The following RIOX2 variants were observed in gnomAD, a reference collection of about 807,000 sequenced individuals.
RIOX2 encodes 60S ribosomal protein L27a histidine hydroxylase.
RIOX2 carries 43 observed loss-of-function variants against 51.2 expected under a neutral mutation model. The ratio of observed to expected loss-of-function variants is 0.84; its 90% CI spans 0.66 to 1.08. The LOEUF (loss-of-function observed/expected upper bound fraction) is 1.08, where lower values mean the gene tolerates loss of function less well. RIOX2 is among the 50% of genes least tolerant of loss of function. RIOX2 has a pLI of 0.00. For synonymous variants in RIOX2, 226 were observed against 218.5 expected (o/e 1.03, Z -0.30); for missense variants, 566 against 561.7 (o/e 1.01, Z -0.08).
intron 2 of RIOX2, among the ~76,000 whole-genome samples, chr3:97,962,598 G>C (rs560957500): frequency 6.6e-6 from 1 of 152,230 alleles, no homozygotes; most frequent in East Asian, 1.9e-4. Context: ...CCTAGCGATG[G>C]GCCATATATT....
chr3:97,969,737 T>G (rs1576022441), intron 1 of RIOX2, among the ~76,000 whole-genome samples: 1 of 152,230 alleles, frequency 6.6e-6, no homozygotes. Flanking sequence ...TTGACACAAC[T>G]AGTTGCTGGA....
intron 3 of RIOX2, among the ~76,000 whole-genome samples, chr3:97,959,715 T>C (rs1413223101): frequency 6.6e-6 from 1 of 152,064 alleles, no homozygotes; most frequent in Non-Finnish European, 1.5e-5. Flanking sequence ...TTGAAAAACA[T>C]GAAAAATATC....
chr3:97,955,422 AG>A (rs1287516267), intron 4 of RIOX2, among the ~76,000 whole-genome samples: 1 of 152,080 alleles, frequency 6.6e-6, no homozygotes, highest in Admixed American at 6.5e-5. Context: ...GGGAATCTTG[AG>A]GGCAGCTCAT....
intron 7 of RIOX2, among the ~76,000 whole-genome samples, chr3:97,948,643 A>C (rs1002263831): frequency 3.3e-5 from 5 of 152,146 alleles, no homozygotes; most frequent in Admixed American, 2.6e-4. Context: ...CCTCCTGCCT[A>C]CCAGATAACA....
chr3:97,945,822 CAT>C lies in RIOX2; in HGVS notation c.1213_1214del (p.Met405AspfsTer4), dbSNP rs751523791. On this transcript the variant is annotated frameshift_variant, in exon 9 of 10. Transcript: ENST00000394198. LOFTEE classifies it high-confidence loss of function. Reference sequence around the variant, plus strand: ...CCTCTGTTTCCTCCTCATTTCCCATCATGTGTGTCTCTCTACTATTCTTTAAG... The same window carrying C: ...CCTCTGTTTCCTCCTCATTTCCCATCGTGTGTCTCTCTACTATTCTTTAAG... ...HSLKNSRETH[M>X]MGNEEETEFH... The C allele has an allele frequency of 1.9e-6, 3 of 1,610,668 alleles. No individual in the cohort carries two copies. The highest frequency in any genetic ancestry group is 1.3e-5 in the African/African-American group (1 of 74,798).
intron 1 of RIOX2, chr3:97,971,710 G>C (rs1244596462): frequency 6.6e-6 from 1 of 152,192 alleles, no homozygotes; most frequent in Non-Finnish European, 1.5e-5. Context: ...CCAGTGACAT[G>C]AAACCCGAGG....
Position 97,947,405 on chromosome 3 carries a change from T to C in RIOX2, c.1105A>G (p.Lys369Glu). ...RLDSVVRLQF[K>E]DHIVLTVLPD... ...AGTACTGTGAGGACAATGTGGTCTT[T>C]AAACTGCAGTCTCACTACACTGTCC... Residue 369 changes from lysine to glutamate, a missense_variant, in exon 8 of 10, where the codon AAA (lysine) becomes GAA (glutamate). Physicochemically the swap from Lys to Glu is moderately conservative, Grantham distance 56. Transcript: ENST00000394198. 6.2e-7 allele frequency: 1 copy of C among 1,613,566 alleles called. No individual in the cohort carries two copies. Among genetic ancestry groups the C allele is most frequent in the African/African-American group, 1.3e-5 (1 of 74,994 alleles).
chr3:97,965,877 A>T (rs772897522), intron 2 of RIOX2, among the ~76,000 whole-genome samples: 15 of 152,264 alleles, frequency 9.9e-5, no homozygotes, highest in Non-Finnish European at 1.8e-4. Flanking sequence ...ACTTCTAGTC[A>T]AGGACTAGCT....
chr3:97,967,658 G>A, intron 1 of RIOX2, 26 bp from the exon 2 acceptor site: 2 of 1,467,916 alleles, frequency 1.4e-6, no homozygotes, highest in Non-Finnish European at 1.8e-6. Context: ...AACACACATG[G>A]TTAGGTTTAC....
chr3:97,945,255 G>C lies in RIOX2; in HGVS notation c.1327C>G (p.Leu443Val). Residue 443 changes from leucine to valine, a missense_variant, in exon 10 of 10, where the codon CTT (leucine) becomes GTT (valine). By Grantham distance (32) the Leu-to-Val change is conservative. Transcript: ENST00000394198. ...CTTTCCTTTTCCTCATCTGTAGTAA[G>C]TTTCAGGTCCTTGACAGAAATAGCT... Reference protein sequence around the residue: ...SPAISVKDLKLTTDEEKESLV... With the variant: ...SPAISVKDLKVTTDEEKESLV... The C allele has an allele frequency of 6.2e-7, 1 of 1,612,790 alleles. No homozygotes were observed. The highest frequency in any genetic ancestry group is 8.5e-7 in the Non-Finnish European group (1 of 1,179,060).
intron 2 of RIOX2, among the ~76,000 whole-genome samples, chr3:97,963,478 T>C (rs571570256): frequency 2.0e-5 from 3 of 152,334 alleles, no homozygotes; most frequent in South Asian, 4.1e-4. Flanking sequence ...TCAGAGTTTC[T>C]ACTTAACACA....
At position 97,942,176 on chromosome 3, in the gene RIOX2, C is replaced by T; in HGVS notation, c.*3008G>A. On this transcript the variant is annotated 3_prime_UTR_variant, in exon 10 of 10. Coordinates refer to ENST00000394198, the MANE Select transcript of RIOX2 (RefSeq NM_153182.4). ...ATATAGTATTTTTTTAGATAAGACA[C>T]ACACACACTTCATGTCTATGACTTG... The T allele has an allele frequency of 4.4e-6, 4 of 903,066 alleles. No homozygotes were observed. Among genetic ancestry groups the T allele is most frequent in the Non-Finnish European group, 6.5e-6 (4 of 617,344 alleles). The allele number at this position is 903,066 out of a possible 1,614,324, so 55.9% of individuals were successfully genotyped here.
intron 4 of RIOX2, among the ~76,000 whole-genome samples, chr3:97,954,717 C>T (rs1272410903): frequency 6.6e-6 from 1 of 152,074 alleles, no homozygotes; most frequent in Non-Finnish European, 1.5e-5. Context: ...GAGAGGCTCT[C>T]GGTGCCTGAA....
At position 97,967,307 on chromosome 3, in the gene RIOX2, T is replaced by A. The variant is rs763486174; in HGVS notation, c.287A>T (p.Tyr96Phe). 1 of 1,614,186 alleles carries A rather than the reference T, an allele frequency of 6.2e-7. No homozygotes were observed. The highest frequency in any genetic ancestry group is 8.5e-7 in the Non-Finnish European group (1 of 1,180,036). The stretch of plus-strand genomic sequence containing the variant: ...CCGGCAGACATTCACATCTCTTCCA[T>A]AGTACATCCCCCGGCTGCACAGACT... ...LKSLCSRGMY[Y>F]GRDVNVCRCV... Residue 96 changes from tyrosine to phenylalanine, a missense_variant, in exon 2 of 10, where the codon TAT becomes TTT. Coordinates refer to ENST00000394198, the MANE Select transcript of RIOX2 (RefSeq NM_153182.4).
At position 97,967,288 on chromosome 3, in the gene RIOX2, G is replaced by A. The variant is rs138845079; in HGVS notation, c.306C>T (p.Val102=). The part of the protein sequence containing the change: ...RGMYYGRDVN[V]CRCVNGKKKV... ...TCTTCTTCCCATTGACACACCGGCAGACATTCACATCTCTTCCATAGTACA... is the reference window on the plus strand; with the variant it reads ...TCTTCTTCCCATTGACACACCGGCAAACATTCACATCTCTTCCATAGTACA... The change falls in exon 2 of 10, where the codon GTC becomes GTT. Residue 102 remains valine (V), a synonymous_variant. Coordinates refer to ENST00000394198, the MANE Select transcript of RIOX2 (RefSeq NM_153182.4). 415 of 1,614,192 alleles carry A rather than the reference G, an allele frequency of 2.6e-4. 2 individuals carry two copies. In the African/African-American group the frequency reaches 4.7e-3, roughly 18 times the overall value.
In RIOX2 at chr3:97,944,462, A is replaced by AGAT. The variant is rs1181568631; in HGVS notation, c.*719_*721dup. The AGAT allele has an allele frequency of 1.3e-5, 2 of 152,416 alleles. No homozygotes were observed. Among genetic ancestry groups the AGAT allele is most frequent in the Non-Finnish European group, 2.9e-5 (2 of 67,918 alleles). The allele number at this position is 152,416 out of a possible 1,614,324, so 9.4% of individuals were successfully genotyped here. ...AAAAATGCTCTATTTTTATAAAGAAAGATTAAATTCTCCAATGATATTTTA... is the reference window on the plus strand; with the variant it reads ...AAAAATGCTCTATTTTTATAAAGAAAGATGATTAAATTCTCCAATGATATTTTA... On this transcript the variant is annotated 3_prime_UTR_variant, in exon 10 of 10. Coordinates refer to ENST00000394198, the MANE Select transcript of RIOX2 (RefSeq NM_153182.4).
intron 1 of RIOX2, among the ~76,000 whole-genome samples, chr3:97,970,706 T>G (rs1261537602): frequency 1.3e-5 from 2 of 152,210 alleles, no homozygotes; most frequent in Non-Finnish European, 2.9e-5. Flanking sequence ...GCAATTGTTT[T>G]CCATTTGAGT....
intron 7 of RIOX2, 121 bp downstream of exon 7, chr3:97,949,723 G>A: frequency 1.2e-6 from 1 of 845,030 alleles, no homozygotes; most frequent in Non-Finnish European, 1.9e-6. Flanking sequence ...GGATGGATGT[G>A]GTCCACATTA....
intron 3 of RIOX2, among the ~76,000 whole-genome samples, chr3:97,960,610 A>T (rs1352373139): frequency 6.6e-6 from 1 of 152,244 alleles, no homozygotes; most frequent in Non-Finnish European, 1.5e-5. Context: ...AAAATGAAAG[A>T]TGAGAAATGC....
Sources: gnomAD v4.1 joint callset for allele counts (sites outside exome capture counted in the v4.1 genomes callset) on GRCh38, gnomAD v4.1.1 for gene constraint, MANE v1.5 for transcripts, NCBI Gene and HGNC (gene_info 2026-07-23, HGNC 2026-07-21) for gene names.